The following CLSTN2 variants were observed in gnomAD, a reference collection of about 807,000 sequenced individuals.
The protein encoded by CLSTN2 is calsyntenin 2.
CLSTN2 carries 48 observed loss-of-function variants against 101.2 expected under a neutral mutation model. The observed-to-expected ratio is 0.47, with a 90% CI of 0.38 to 0.60. The LOEUF is 0.60. Ranked by LOEUF, CLSTN2 falls within the 20% of genes least tolerant of loss-of-function variation. The probability of loss-of-function intolerance (pLI) is 0.00; values close to 1 mark genes in which losing one functional copy is unlikely to be tolerated. For missense variants in CLSTN2, 1,160 were observed against 1,238.2 expected, an observed-to-expected ratio of 0.94 and a Z score of 0.95; for synonymous variants, 481 against 463.6, an observed-to-expected ratio of 1.04 and a Z score of -0.48.
chr3:140,385,756 G>C (rs967700991), intron 2 of CLSTN2, among the ~76,000 whole-genome samples: 1 of 152,066 alleles, frequency 6.6e-6, no homozygotes. Flanking sequence ...AGCAGGTATG[G>C]GGTTACAGAT....
intron 1 of CLSTN2, among the ~76,000 whole-genome samples, chr3:140,083,545 G>A (rs964868877): frequency 6.6e-6 from 1 of 152,196 alleles, no homozygotes; most frequent in Non-Finnish European, 1.5e-5. Flanking sequence ...TTTACCATAT[G>A]TCTGTCTTTT....
chr3:140,186,188 A>G (rs2010483068), intron 2 of CLSTN2, among the ~76,000 whole-genome samples: 1 of 152,140 alleles, frequency 6.6e-6, no homozygotes, highest in African/African-American at 2.4e-5. Context: ...TCATAGCAAA[A>G]TCAATGATAT....
intron 2 of CLSTN2, among the ~76,000 whole-genome samples, chr3:140,232,384 C>T (rs186018181): frequency 6.6e-6 from 1 of 152,220 alleles, no homozygotes; most frequent in Admixed American, 6.5e-5. Context: ...ATCCTCATTC[C>T]CTCCTCATGG....
chr3:140,377,591 AT>A (rs1559853003), intron 2 of CLSTN2, among the ~76,000 whole-genome samples: 2 of 152,228 alleles, frequency 1.3e-5, no homozygotes, highest in Non-Finnish European at 2.9e-5. Flanking sequence ...ATAAATAAAA[AT>A]AAATTGCAAA....
intron 2 of CLSTN2, among the ~76,000 whole-genome samples, chr3:140,228,034 T>C (rs1448920762): frequency 1.2e-4 from 18 of 152,200 alleles, no homozygotes. Flanking sequence ...GTCTTGGGGA[T>C]TAACATTTGT....
At chr3:140,059,861 T>C (rs1403113945) in intron 1 of CLSTN2, among the ~76,000 whole-genome samples, 1 of 152,094 alleles carries the variant, frequency 6.6e-6, no homozygotes, top group African/African-American at 2.4e-5. Context: ...AAATAAGGGC[T>C]CTTAGTTATA....
intron 2 of CLSTN2, among the ~76,000 whole-genome samples, chr3:140,322,890 A>C (rs547571008): frequency 2.2e-4 from 33 of 152,226 alleles, no homozygotes; most frequent in Non-Finnish European, 4.0e-4. Flanking sequence ...CCAGAAAATC[A>C]TGTACATTAT....
chr3:140,127,609 GA>G (rs2009456040), intron 1 of CLSTN2, among the ~76,000 whole-genome samples: 1 of 152,110 alleles, frequency 6.6e-6, no homozygotes, highest in South Asian at 2.1e-4. Context: ...CGGCTGTCAG[GA>G]ATCACAGCTC....
rs544704865 is a variant in CLSTN2 at position 140,136,637 on chromosome 3, A to G, written c.110-39314A>G. ...TTGATGCTGTTTTTATTAACCATCCATGTGACTTCAGAAGAATCACTGGCA... is the reference window on the plus strand; with the variant it reads ...TTGATGCTGTTTTTATTAACCATCCGTGTGACTTCAGAAGAATCACTGGCA... On this transcript the variant is annotated intron_variant, in intron 1 of 16. Coordinates refer to ENST00000458420, the MANE Select transcript of CLSTN2 (RefSeq NM_022131.3). Among the ~76,000 whole-genome samples the G allele has an allele frequency of 4.6e-5, 7 of 152,338 alleles. No homozygotes were observed. In the South Asian group the frequency reaches 6.2e-4, roughly 14 times the overall value.
intron 2 of CLSTN2, among the ~76,000 whole-genome samples, chr3:140,286,698 C>CAG (rs1257356687): frequency 6.6e-6 from 1 of 152,146 alleles, no homozygotes; most frequent in African/African-American, 2.4e-5. Flanking sequence ...AGCTGGCAGT[C>CAG]AGAGGCTTGT....
At chr3:140,067,463 C>T (rs1227650305) in intron 1 of CLSTN2, among the ~76,000 whole-genome samples, 1 of 152,172 alleles carries the variant, frequency 6.6e-6, no homozygotes, top group Admixed American at 6.5e-5. Context: ...AAACATCATA[C>T]CAAGAACCTA....
At chr3:140,129,786 G>A (rs912862163) in intron 1 of CLSTN2, among the ~76,000 whole-genome samples, 1 of 152,156 alleles carries the variant, frequency 6.6e-6, no homozygotes, top group African/African-American at 2.4e-5. Flanking sequence ...GCTTGGAGCT[G>A]CCAGGAGCCC....
At chr3:140,235,702 G>A (rs907955343) in intron 2 of CLSTN2, among the ~76,000 whole-genome samples, 8 of 152,190 alleles carry the variant, frequency 5.3e-5, no homozygotes, top group African/African-American at 1.7e-4. Context: ...GCTAGGAGAG[G>A]TAGGGGTTAA....
At chr3:140,416,140 G>A (rs1358991149) in intron 4 of CLSTN2, among the ~76,000 whole-genome samples, 1 of 152,196 alleles carries the variant, frequency 6.6e-6, no homozygotes, top group African/African-American at 2.4e-5. Context: ...TCACTTGTAT[G>A]TGAAATCTTA....
At chr3:140,059,394 A>G (rs749319698) in intron 1 of CLSTN2, among the ~76,000 whole-genome samples, 2 of 152,214 alleles carry the variant, frequency 1.3e-5, no homozygotes, top group African/African-American at 2.4e-5. Flanking sequence ...TGTGTGTTCA[A>G]TGTGGAATGG....
At chr3:139,952,846 C>A (rs1233112364) in intron 1 of CLSTN2, among the ~76,000 whole-genome samples, 1 of 152,120 alleles carries the variant, frequency 6.6e-6, no homozygotes, top group Non-Finnish European at 1.5e-5. Context: ...TCTCAGGGAG[C>A]CCCAGGATGC....
At chr3:140,089,861 G>GA (rs1464687063) in intron 1 of CLSTN2, among the ~76,000 whole-genome samples, 2 of 150,020 alleles carry the variant, frequency 1.3e-5, no homozygotes, top group Non-Finnish European at 3.0e-5. Context: ...ATCTGTGTAA[G>GA]AGTTAAAGAA....
At chr3:140,522,144 C>T (rs1258954833) in intron 8 of CLSTN2, among the ~76,000 whole-genome samples, 2 of 152,246 alleles carry the variant, frequency 1.3e-5, no homozygotes, top group African/African-American at 4.8e-5. Context: ...CTTCCTTTGG[C>T]TTCATGCTGT....
chr3:140,310,727 T>C (rs1318812043), intron 2 of CLSTN2, among the ~76,000 whole-genome samples: 3 of 152,208 alleles, frequency 2.0e-5, no homozygotes, highest in Non-Finnish European at 4.4e-5. Flanking sequence ...TCTATTCTAT[T>C]TCATTCCATT....
Sources: gnomAD v4.1 joint callset for allele counts (sites outside exome capture counted in the v4.1 genomes callset) on GRCh38, gnomAD v4.1.1 for gene constraint, MANE v1.5 for transcripts, NCBI Gene and HGNC (gene_info 2026-07-23, HGNC 2026-07-21) for gene names.